ADGRB3: variants seen among roughly 807,000 people sequenced by gnomAD.
ADGRB3 encodes brain-specific angiogenesis inhibitor 3.
Under a neutral mutation model 193.4 loss-of-function variants are expected in ADGRB3, and 37 were observed. The ratio of observed to expected loss-of-function variants is 0.19; its 90% CI spans 0.15 to 0.25. ADGRB3 has a LOEUF of 0.25. Ranked by LOEUF, ADGRB3 falls within the 10% of genes least tolerant of loss-of-function variation. The pLI, the probability that ADGRB3 is intolerant of heterozygous loss-of-function variation, is 1.00. For synonymous variants in ADGRB3, 690 were observed against 644.2 expected, an observed-to-expected ratio of 1.07 and a Z score of -1.08; for missense variants, 1,637 against 1,852.9, an observed-to-expected ratio of 0.88 and a Z score of 2.14.
chr6:68,817,804 T>C, intron 3 of ADGRB3, among the ~76,000 whole-genome samples: 1 of 152,088 alleles, frequency 6.6e-6, no homozygotes, highest in East Asian at 1.9e-4. Flanking sequence ...GTATTGTACA[T>C]GTAGAAAACT....
At chr6:68,714,081 C>T (rs1422166658) in intron 3 of ADGRB3, among the ~76,000 whole-genome samples, 1 of 151,616 alleles carries the variant, frequency 6.6e-6, no homozygotes, top group Non-Finnish European at 1.5e-5. Context: ...ACATACAATC[C>T]AAGCACTTTG....
intron 3 of ADGRB3, among the ~76,000 whole-genome samples, chr6:68,854,002 A>C (rs1764881837): frequency 6.6e-6 from 1 of 152,162 alleles, no homozygotes; most frequent in Admixed American, 6.6e-5. Context: ...TTAATTCTGC[A>C]CTGCCTGCTC....
At chr6:69,155,962 A>G (rs1002249924) in intron 17 of ADGRB3, among the ~76,000 whole-genome samples, 1 of 152,118 alleles carries the variant, frequency 6.6e-6, no homozygotes, top group South Asian at 2.1e-4. Context: ...TGTTTCTTAT[A>G]TATATTAAAT....
chr6:68,671,457 A>T (rs188205702), intron 3 of ADGRB3, among the ~76,000 whole-genome samples: 1 of 152,066 alleles, frequency 6.6e-6, no homozygotes, highest in African/African-American at 2.4e-5. Flanking sequence ...GAGGGTTTTT[A>T]TCATGAAGGG....
intron 3 of ADGRB3, among the ~76,000 whole-genome samples, chr6:68,639,638 C>A (rs1768035964): frequency 1.3e-5 from 2 of 152,082 alleles, no homozygotes; most frequent in Admixed American, 6.5e-5. Flanking sequence ...CTGGATAGCT[C>A]AGCAGCATGC....
chr6:68,721,262 G>GATAGAC (rs1765571868), intron 3 of ADGRB3, among the ~76,000 whole-genome samples: 1 of 151,876 alleles, frequency 6.6e-6, no homozygotes, highest in Non-Finnish European at 1.5e-5. Flanking sequence ...TTAAGAAAAT[G>GATAGAC]TGGCACATAT....
Position 69,210,153 on chromosome 6 carries a change from T to TATATATATATATATATATATATATC in ADGRB3, c.2481-23120_2481-23119insTATATATCATATATATATATATATA, listed in dbSNP as rs1194112354. ...ATATCATATATTAATATATATCATA[T>TATATATATATATATATATATATATC]ATATATATATATATATAAAGGGGAG... On this transcript the variant is annotated intron_variant, in intron 17 of 31. Coordinates refer to ENST00000370598, the MANE Select transcript of ADGRB3 (RefSeq NM_001704.3). Among the ~76,000 whole-genome samples the TATATATATATATATATATATATATC allele has an allele frequency of 1.1e-3, 125 of 115,746 alleles. 3 individuals carry two copies. Among genetic ancestry groups the TATATATATATATATATATATATATC allele is most frequent in the Middle Eastern group, 4.0e-3 (1 of 250 alleles). 75.9% of individuals were successfully genotyped at this position (115,746 alleles called of 152,430 possible).
chr6:69,322,939 G>A (rs1189309694), intron 20 of ADGRB3, among the ~76,000 whole-genome samples: 1 of 151,944 alleles, frequency 6.6e-6, no homozygotes, highest in Non-Finnish European at 1.5e-5. Context: ...ATTATTGTAC[G>A]AAGAGGCATG....
At chr6:68,659,358 T>C (rs972715776) in intron 3 of ADGRB3, among the ~76,000 whole-genome samples, 1 of 150,718 alleles carries the variant, frequency 6.6e-6, no homozygotes, top group Non-Finnish European at 1.5e-5. Context: ...AGAGAACTTA[T>C]GTAGGTCATT....
At chr6:68,686,422 A>G (rs1398623492) in intron 3 of ADGRB3, among the ~76,000 whole-genome samples, 1 of 152,040 alleles carries the variant, frequency 6.6e-6, no homozygotes, top group Non-Finnish European at 1.5e-5. Context: ...CTTGGTGGCC[A>G]TTGCTTTGAT....
At chr6:69,039,368 A>G (rs912238790) in intron 13 of ADGRB3, among the ~76,000 whole-genome samples, 1 of 152,124 alleles carries the variant, frequency 6.6e-6, no homozygotes, top group Non-Finnish European at 1.5e-5. Flanking sequence ...GGTACTATCC[A>G]TGGTTTTGGA....
intron 3 of ADGRB3, 89 bp from the exon 4 acceptor site, chr6:68,930,470 A>G (rs1767307293): frequency 1.4e-6 from 1 of 702,206 alleles, no homozygotes; most frequent in Non-Finnish European, 2.2e-6. Context: ...TCTTCTAGGT[A>G]TGTATAGGAA....
intron 30 of ADGRB3, among the ~76,000 whole-genome samples, chr6:69,374,599 C>T (rs1485032429): frequency 1.3e-5 from 2 of 152,078 alleles, no homozygotes; most frequent in African/African-American, 4.8e-5. Flanking sequence ...TAGTTAATGT[C>T]ATACCAGGGG....
chr6:68,927,873 A>G (rs1178311367), intron 3 of ADGRB3, among the ~76,000 whole-genome samples: 4 of 152,118 alleles, frequency 2.6e-5, no homozygotes, highest in African/African-American at 4.8e-5. Flanking sequence ...ATATTGTTGT[A>G]CAACAATAAT....
intron 31 of ADGRB3, 138 bp from the exon 32 acceptor site, chr6:69,388,565 A>C (rs766430890): frequency 2.4e-5 from 18 of 747,232 alleles, no homozygotes; most frequent in Non-Finnish European, 3.8e-5. Flanking sequence ...TATTTCCCAC[A>C]GTTGGCCGTA....
chr6:69,250,405 A>T (rs1428651256), intron 20 of ADGRB3, among the ~76,000 whole-genome samples: 1 of 152,208 alleles, frequency 6.6e-6, no homozygotes, highest in Non-Finnish European at 1.5e-5. Context: ...CTCCAGAATA[A>T]AGCTAAAAGG....
chr6:69,212,377 C>T (rs116623010), intron 17 of ADGRB3, among the ~76,000 whole-genome samples: 358 of 152,118 alleles, frequency 2.4e-3, no homozygotes, highest in African/African-American at 8.0e-3. Flanking sequence ...TATTTCAGAC[C>T]GCACTATCGA....
chr6:68,936,400 G>A (rs1767487128), intron 4 of ADGRB3, 119 bp from the exon 5 acceptor site: 2 of 1,054,210 alleles, frequency 1.9e-6, no homozygotes, highest in South Asian at 1.7e-5. Context: ...ACCTTTTGAT[G>A]TATGGTCATA....
chr6:68,900,775 G>A (rs1272010502), intron 3 of ADGRB3, among the ~76,000 whole-genome samples: 1 of 152,072 alleles, frequency 6.6e-6, no homozygotes, highest in Non-Finnish European at 1.5e-5. Flanking sequence ...TAGTCCCCTG[G>A]AGCATCAACC....
Sources: gnomAD v4.1 joint callset for allele counts (sites outside exome capture counted in the v4.1 genomes callset) on GRCh38, gnomAD v4.1.1 for gene constraint, MANE v1.5 for transcripts, NCBI Gene and HGNC (gene_info 2026-07-23, HGNC 2026-07-21) for gene names.